The following TNPO3 variants were observed in gnomAD, a reference collection of about 807,000 sequenced individuals.
TNPO3 encodes the protein transportin 3.
TNPO3 carries 65 observed loss-of-function variants against 122.8 expected under a neutral mutation model. That is an observed-to-expected ratio of 0.53 (90% CI 0.43 to 0.65). TNPO3 has a LOEUF of 0.65. Among genes scored for constraint, TNPO3 ranks in the 30% least tolerant of loss-of-function variants. The pLI, the probability that TNPO3 is intolerant of heterozygous loss-of-function variation, is 0.00. For synonymous variants in TNPO3, 372 were observed against 411.2 expected, an observed-to-expected ratio of 0.90 and a Z score of 1.15; for missense variants, 850 against 1,136.7, an observed-to-expected ratio of 0.75 and a Z score of 3.63.
At chr7:128,993,390 A>G (rs1341535485) in intron 9 of TNPO3, among the ~76,000 whole-genome samples, 1 of 152,232 alleles carries the variant, frequency 6.6e-6, no homozygotes, top group Non-Finnish European at 1.5e-5. Context: ...GAATCTAACC[A>G]TAAGTGTGGA....
chr7:129,014,287 C>G (rs867839368), intron 4 of TNPO3, among the ~76,000 whole-genome samples: 13 of 152,262 alleles, frequency 8.5e-5, no homozygotes, highest in African/African-American at 3.1e-4. Flanking sequence ...CTTCGGGAGG[C>G]CAAGGCAGGT....
At chr7:128,990,271 G>T in intron 10 of TNPO3, 171 bp from the exon 11 acceptor site, 1 of 733,208 alleles carries the variant, frequency 1.4e-6, no homozygotes. Flanking sequence ...CAAAAAAGAG[G>T]AAAAGATAGA....
At chr7:129,023,550 A>G (rs1804778488) in intron 1 of TNPO3, among the ~76,000 whole-genome samples, 1 of 152,122 alleles carries the variant, frequency 6.6e-6, no homozygotes, top group Non-Finnish European at 1.5e-5. Flanking sequence ...ACATCCTGTC[A>G]TACTAGAAAG....
At chr7:128,968,941 G>T (rs765567618) in intron 20 of TNPO3, among the ~76,000 whole-genome samples, 1 of 151,390 alleles carries the variant, frequency 6.6e-6, no homozygotes, top group Non-Finnish European at 1.5e-5. Flanking sequence ...CAGGCTGGTA[G>T]TCTCAAGCTC....
At chr7:129,039,835 A>G (rs1807149703) in intron 1 of TNPO3, among the ~76,000 whole-genome samples, 1 of 152,244 alleles carries the variant, frequency 6.6e-6, no homozygotes, top group Admixed American at 6.5e-5. Context: ...ATCATGAACT[A>G]TATGATTCCA....
chr7:128,972,309 T>TA (rs1798572186), intron 19 of TNPO3, 117 bp downstream of exon 19: 1 of 1,171,158 alleles, frequency 8.5e-7, no homozygotes. Context: ...CTATGATATA[T>TA]GTCTACCAAT....
intron 4 of TNPO3, among the ~76,000 whole-genome samples, chr7:129,012,003 CTTTTT>C (rs1174882837): frequency 7.6e-6 from 1 of 131,714 alleles, no homozygotes; most frequent in Non-Finnish European, 1.6e-5. Flanking sequence ...CTTTTTCTTT[CTTTTT>C]TTTTTTTTTT....
intron 2 of TNPO3, among the ~76,000 whole-genome samples, 188 bp from the exon 3 acceptor site, chr7:129,017,244 G>A (rs1803954632): frequency 6.6e-6 from 1 of 151,872 alleles, no homozygotes; most frequent in Non-Finnish European, 1.5e-5. Flanking sequence ...GCTACAAATT[G>A]CTGAAATTTA....
At position 128,972,582 on chromosome 7, in the gene TNPO3, C is replaced by A; in HGVS notation, c.2274G>T (p.Arg758Ser). ...TVDDLFRLATRFIQRSPVTLL... is the reference protein window; with the variant it reads ...TVDDLFRLATSFIQRSPVTLL... Reference sequence around the variant, plus strand: ...AGGTGACAGGGCTACGCTGAATAAACCTGGTGTGGAAAGTGAGACTAGGTA... The same window carrying A: ...AGGTGACAGGGCTACGCTGAATAAAACTGGTGTGGAAAGTGAGACTAGGTA... Residue 758 changes from arginine to serine, a missense_variant and splice_region_variant, in exon 19 of 23, where the codon AGG (arginine) becomes AGT (serine). By Grantham distance (110) the Arg-to-Ser change is moderately radical. Transcript: ENST00000265388. 6.2e-7 allele frequency: 1 copy of A among 1,612,622 alleles called. No homozygotes were observed. Among genetic ancestry groups the A allele is most frequent in the Non-Finnish European group, 8.5e-7 (1 of 1,179,392 alleles).
At chr7:128,956,268 A>G (rs1421080542) in intron 22 of TNPO3, among the ~76,000 whole-genome samples, 1 of 152,218 alleles carries the variant, frequency 6.6e-6, no homozygotes, top group Non-Finnish European at 1.5e-5. Context: ...AGAAACTACC[A>G]GTGAGTGCTA....
rs1013962564 is a variant in TNPO3 at position 129,054,873 on chromosome 7, C to A, written c.-103G>T. 3 of 1,504,232 alleles carry A rather than the reference C, an allele frequency of 2.0e-6. No homozygotes were observed. The African/African-American group carries it at 4.1e-5, about 21-fold the overall frequency. The allele number at this position is 1,504,232 out of a possible 1,614,324, so 93.2% of individuals were successfully genotyped here. On this transcript the variant is annotated 5_prime_UTR_variant, in exon 1 of 23. The change creates a premature stop within an existing upstream ORF in the 5' untranslated region. Transcript: ENST00000265388. ...CCTCACTGTCTGGGCCACGGCCGCT[C>A]CCTGACTGGCGCCATCTCCTCCTCT...
intron 1 of TNPO3, among the ~76,000 whole-genome samples, chr7:129,038,670 T>C (rs1402882639): frequency 6.6e-6 from 1 of 152,218 alleles, no homozygotes; most frequent in African/African-American, 2.4e-5. Flanking sequence ...AATGAAATCA[T>C]GTCCTCTGCA....
At chr7:128,983,432 G>T (rs1799835430) in intron 13 of TNPO3, among the ~76,000 whole-genome samples, 1 of 151,968 alleles carries the variant, frequency 6.6e-6, no homozygotes. Context: ...TCTAACTCCG[G>T]ACCTCAAATG....
intron 5 of TNPO3, among the ~76,000 whole-genome samples, chr7:129,004,076 T>C (rs1458831093): frequency 6.6e-6 from 1 of 152,160 alleles, no homozygotes; most frequent in Admixed American, 6.5e-5. Flanking sequence ...AGCAAAACAA[T>C]GATTGGCATC....
At chr7:128,973,124 T>C (rs776526611) in intron 18 of TNPO3, among the ~76,000 whole-genome samples, 1 of 152,134 alleles carries the variant, frequency 6.6e-6, no homozygotes, top group Non-Finnish European at 1.5e-5. Flanking sequence ...GTAGAAACTC[T>C]CCTAGGTTAA....
chr7:128,964,720 A>G (rs563826075), intron 21 of TNPO3, among the ~76,000 whole-genome samples: 1 of 152,320 alleles, frequency 6.6e-6, no homozygotes, highest in African/African-American at 2.4e-5. Flanking sequence ...TCAAAACAGC[A>G]TGGTATTGAC....
chr7:129,027,558 C>CAAA (rs71162549), intron 1 of TNPO3, among the ~76,000 whole-genome samples: 168 of 8,926 alleles, frequency 0.019, 20 homozygotes, highest in Non-Finnish European at 0.023. Context: ...AAGACTGTCT[C>CAAA]AAAAAAAAAA....
chr7:129,012,288 G>C (rs903448809), intron 4 of TNPO3, among the ~76,000 whole-genome samples: 4 of 152,076 alleles, frequency 2.6e-5, no homozygotes, highest in African/African-American at 9.7e-5. Flanking sequence ...TTACAGGGGT[G>C]AGCCACTGCA....
At chr7:129,041,490 A>AGGAAG (rs1198600696) in intron 1 of TNPO3, 1 of 941,912 alleles carries the variant, frequency 1.1e-6, no homozygotes, top group Admixed American at 6.2e-5. Context: ...AGCAGAAAAA[A>AGGAAG]GGAAGGGAAG....
Sources: gnomAD v4.1 joint callset for allele counts (sites outside exome capture counted in the v4.1 genomes callset) on GRCh38, gnomAD v4.1.1 for gene constraint, MANE v1.5 for transcripts, NCBI Gene and HGNC (gene_info 2026-07-23, HGNC 2026-07-21) for gene names.